Variants in TAF1 observed in about 807,000 individuals in gnomAD.
TAF1 encodes the protein TATA-box binding protein associated factor 1, also known as transcription initiation factor TFIID subunit 1.
TAF1 carries 2 observed loss-of-function variants against 138.5 expected under a neutral mutation model. The ratio of observed to expected loss-of-function variants is 0.01; its 90% CI spans 0.01 to 0.05. TAF1 has a LOEUF of 0.05. Ranked by LOEUF, TAF1 falls within the 10% of genes least tolerant of loss-of-function variation. The pLI, the probability that TAF1 is intolerant of heterozygous loss-of-function variation, is 1.00. For missense variants in TAF1, 709 were observed against 1,478.0 expected (o/e 0.48, Z 8.53); for synonymous variants, 437 against 503.2 (o/e 0.87, Z 1.76).
intron 13 of TAF1, among the ~76,000 whole-genome samples, chrX:71,519,895 T>A (rs1329335102): frequency 9.1e-6 from 1 of 109,480 alleles, no homozygotes; most frequent in African/African-American, 3.3e-5. Context: ...AGCCTCTACC[T>A]CCTGCGCTCA....
chrX:71,448,956 C>G (rs1321063793), intron 32 of TAF1, among the ~76,000 whole-genome samples: 1 of 93,476 alleles, frequency 1.1e-5, no homozygotes, highest in Non-Finnish European at 2.2e-5. Context: ...GTAGCTGGGA[C>G]TACAGGCATG....
Position 71,503,268 on chromosome X carries a change from C to CAA in TAF1, c.1367-25265_1367-25264dup, listed in dbSNP as rs1224612515. Among the ~76,000 whole-genome samples, 52 of 67,028 alleles carry CAA rather than the reference C, an allele frequency of 7.8e-4. 2 individuals are homozygous for CAA. The highest frequency in any genetic ancestry group is 3.6e-3 in the African/African-American group (52 of 14,485). 58.2% of individuals were successfully genotyped at this position (67,028 alleles called of 115,157 possible). On this transcript the variant is annotated intron_variant and NMD_transcript_variant, in intron 13 of 14. Coordinates refer to the TAF1 transcript ENST00000373775. The stretch of plus-strand genomic sequence containing the variant: ...CTGGGGTGACAGAGTGAGACTGTCT[C>CAA]AAAAAAAAAATATATATATATATAT...
chrX:71,468,715 G>C (rs1358335711), downstream of TAF1, among the ~76,000 whole-genome samples: 1 of 108,632 alleles, frequency 9.2e-6, no homozygotes, highest in Non-Finnish European at 1.9e-5. Context: ...GAAACAGCCT[G>C]GGTCTGCTGG....
chrX:71,475,597 AAAAG>A (rs2038966940), intron 13 of TAF1, among the ~76,000 whole-genome samples: 1 of 108,850 alleles, frequency 9.2e-6, no homozygotes, highest in African/African-American at 3.4e-5. Flanking sequence ...AAAAAAAAAA[AAAAG>A]AAAAAGAAAA....
At chrX:71,506,732 G>T (rs1349506759) in intron 13 of TAF1, among the ~76,000 whole-genome samples, 1 of 109,590 alleles carries the variant, frequency 9.1e-6, no homozygotes, top group Non-Finnish European at 1.9e-5. Flanking sequence ...ATATATTCCA[G>T]CAATTCTACT....
chrX:71,382,042 G>T, intron 9 of TAF1, 123 bp downstream of exon 9: 1 of 811,249 alleles, frequency 1.2e-6, no homozygotes, highest in East Asian at 3.8e-5. Context: ...GTAGCGGCTT[G>T]AGAGAGCGAA....
chrX:71,407,889 GTAGA>G (rs761032889), intron 27 of TAF1, 81 bp from the exon 28 acceptor site: 24 of 1,109,528 alleles, frequency 2.2e-5, no homozygotes, highest in Non-Finnish European at 6.0e-6. Context: ...TGATAGCCAG[GTAGA>G]TAGGTAAGAT....
chrX:71,386,109 C>T (rs1410001948), intron 14 of TAF1, among the ~76,000 whole-genome samples: 3 of 106,726 alleles, frequency 2.8e-5, no homozygotes, highest in Non-Finnish European at 5.8e-5. Flanking sequence ...TGCAGTGAGC[C>T]GAGATCGCGC....
At chrX:71,451,344 A>G (rs1448689308) in intron 32 of TAF1, among the ~76,000 whole-genome samples, 1 of 112,279 alleles carries the variant, frequency 8.9e-6, no homozygotes, top group East Asian at 2.8e-4. Flanking sequence ...GTTATGATTC[A>G]AAGAAATAAA....
At chrX:71,419,058 C>T (rs1031083608) in intron 28 of TAF1, among the ~76,000 whole-genome samples, 9 of 111,686 alleles carry the variant, frequency 8.1e-5, no homozygotes, top group Non-Finnish European at 1.3e-4. Flanking sequence ...TGAGCCACCA[C>T]GCCCAGCCCA....
chrX:71,483,151 C>CTTTTTTTT (rs35875629), intron 13 of TAF1, among the ~76,000 whole-genome samples: 3 of 74,938 alleles, frequency 4.0e-5, no homozygotes, highest in Non-Finnish European at 7.6e-5. Flanking sequence ...TTTTTCTTTT[C>CTTTTTTTT]TTTTTTTTTT....
chrX:71,374,968 C>T (rs1482786840), intron 3 of TAF1, among the ~76,000 whole-genome samples, 199 bp from the exon 4 acceptor site: 2 of 108,060 alleles, frequency 1.9e-5, no homozygotes, highest in East Asian at 5.9e-4. Context: ...TCCTGTAATC[C>T]CAGCTACTCA....
At position 71,378,901 on chromosome X, in the gene TAF1, T is replaced by C; in HGVS notation, c.1230T>C (p.His410=). The C allele has an allele frequency of 2.5e-6, 3 of 1,210,838 alleles. No homozygotes were observed. Among genetic ancestry groups the C allele is most frequent in the African/African-American group, 1.7e-5 (1 of 57,485 alleles). ...DENFLMVTQL[H]WEDDIIWDGE... is the part of the protein sequence containing the mutation. ...ACTTCCTGATGGTGACACAGCTGCA[T>C]TGGGAGGATGATATCATCTGGGATG... The change falls in exon 8 of 38, where the codon CAT becomes CAC. Residue 410 remains histidine (H), a synonymous_variant. Transcript: ENST00000423759.
At position 71,397,511 on chromosome X, in the gene TAF1, T is replaced by G. The variant is rs372530901; in HGVS notation, c.3620+45T>G. On this transcript the variant is annotated intron_variant, in intron 23 of 37. Transcript: ENST00000423759. ...TCCTTTTTTTTCTTTGAGGACAGAGTCTTGCTCTGCGGCCCAGGTGGAGTG... is the reference window on the plus strand; with the variant it reads ...TCCTTTTTTTTCTTTGAGGACAGAGGCTTGCTCTGCGGCCCAGGTGGAGTG... 2.3e-4 allele frequency: 274 copies of G among 1,195,739 alleles called. 1 individual carries two copies. In the African/African-American group the frequency reaches 4.4e-3, roughly 19 times the overall value.
chrX:71,478,507 G>A (rs972776410), intron 13 of TAF1, among the ~76,000 whole-genome samples: 3 of 110,660 alleles, frequency 2.7e-5, no homozygotes, highest in Non-Finnish European at 5.7e-5. Context: ...CTAGGTGATA[G>A]AGCAAGACCT....
chrX:71,381,465 A>G (rs1469927002), intron 8 of TAF1, among the ~76,000 whole-genome samples: 4 of 111,379 alleles, frequency 3.6e-5, no homozygotes, highest in African/African-American at 6.5e-5. Context: ...GGGCTTCTCA[A>G]TGTTGGTCAG....
In TAF1 at chrX:71,421,099, T is replaced by C. The variant is rs192684332; in HGVS notation, c.4385-210T>C. On this transcript the variant is annotated intron_variant, in intron 28 of 37. Transcript: ENST00000423759. ...GTGTAGATACACACAAGGAAAGAGTTAAAGTTAGTTTATTCATTCATATTG... is the reference window on the plus strand; with the variant it reads ...GTGTAGATACACACAAGGAAAGAGTCAAAGTTAGTTTATTCATTCATATTG... 8.3e-3 allele frequency among the ~76,000 whole-genome samples: 934 copies of C among 112,274 alleles called. 5 individuals are homozygous for C. The highest frequency in any genetic ancestry group is 0.013 in the Non-Finnish European group (674 of 53,127).
chrX:71,469,260 C>G (rs1451815871), downstream of TAF1, among the ~76,000 whole-genome samples: 2 of 111,866 alleles, frequency 1.8e-5, no homozygotes, highest in Non-Finnish European at 3.8e-5. Context: ...CCACTGTACT[C>G]CAGCTTGGGT....
chrX:71,454,933 C>T lies in TAF1; in HGVS notation c.4938+76C>T, dbSNP rs748363234. ...GAAATTGGGAGCATGTTAACAAATC[C>T]GTTTACTGAGATACCATTCTTCTCT... On this transcript the variant is annotated intron_variant, in intron 34 of 37. Coordinates refer to ENST00000423759, the MANE Select transcript of TAF1 (RefSeq NM_004606.5). 34 of 1,187,574 alleles carry T rather than the reference C, an allele frequency of 2.9e-5. No homozygotes were observed. The African/African-American group carries it at 3.7e-4, about 13-fold the overall frequency.
Sources: allele counts gnomAD v4.1 joint callset (sites outside exome capture counted in the v4.1 genomes callset), GRCh38; gene constraint gnomAD v4.1.1; transcripts MANE v1.5; gene names NCBI Gene and HGNC (gene_info 2026-07-23, HGNC 2026-07-21).